Variants in PCCB observed in about 807,000 individuals in gnomAD.
The protein encoded by PCCB is propionyl-CoA carboxylase beta chain, mitochondrial.
PCCB carries 43 observed loss-of-function variants against 60.7 expected under a neutral mutation model. That is an observed-to-expected ratio of 0.71 (90% CI 0.55 to 0.91). The LOEUF (loss-of-function observed/expected upper bound fraction) is 0.91, where lower values mean the gene tolerates loss of function less well. Among genes scored for constraint, PCCB ranks in the 40% least tolerant of loss-of-function variants. The pLI, the probability that PCCB is intolerant of heterozygous loss-of-function variation, is 0.00. For synonymous variants in PCCB, 276 were observed against 255.9 expected, an observed-to-expected ratio of 1.08 and a Z score of -0.75; for missense variants, 766 against 702.8, an observed-to-expected ratio of 1.09 and a Z score of -1.02.
At chr3:136,282,063 T>A (rs1942489817) in intron 5 of PCCB, among the ~76,000 whole-genome samples, 1 of 152,104 alleles carries the variant, frequency 6.6e-6, no homozygotes, top group Non-Finnish European at 1.5e-5. Context: ...AAAGCAGTGG[T>A]CAGTAATCAG....
At chr3:136,273,803 T>C (rs12488721) in intron 5 of PCCB, among the ~76,000 whole-genome samples, 54,524 of 147,656 alleles carry the variant, frequency 0.37, 12,448 homozygotes, top group East Asian at 0.81. Context: ...TCCCAGCTAC[T>C]TGTGAGGCTG....
At chr3:136,316,407 C>G (rs1934896151) in intron 9 of PCCB, among the ~76,000 whole-genome samples, 1 of 152,026 alleles carries the variant, frequency 6.6e-6, no homozygotes, top group African/African-American at 2.4e-5. Flanking sequence ...CCTCTGCCTT[C>G]CAGTTTAAGC....
At chr3:136,318,397 T>C (rs1357869520) in intron 10 of PCCB, among the ~76,000 whole-genome samples, 2 of 152,102 alleles carry the variant, frequency 1.3e-5, no homozygotes, top group Non-Finnish European at 1.5e-5. Flanking sequence ...AAAAAAAATT[T>C]TGTCATGGTA....
intron 9 of PCCB, among the ~76,000 whole-genome samples, chr3:136,314,657 G>GAA (rs1576350994): frequency 6.6e-6 from 1 of 151,832 alleles, no homozygotes; most frequent in East Asian, 1.9e-4. Context: ...CCTGTCTCAA[G>GAA]AAAAACAAAA....
chr3:136,300,035 C>T (rs1173834110), intron 8 of PCCB, among the ~76,000 whole-genome samples: 3 of 151,330 alleles, frequency 2.0e-5, no homozygotes, highest in Non-Finnish European at 4.4e-5. Context: ...CCCACACATG[C>T]ATATATGCAT....
At chr3:136,265,524 A>G (rs905162720) in intron 5 of PCCB, among the ~76,000 whole-genome samples, 1 of 152,146 alleles carries the variant, frequency 6.6e-6, no homozygotes, top group Non-Finnish European at 1.5e-5. Context: ...TGAATATTTT[A>G]TGTATTTTCA....
In PCCB at chr3:136,302,393, C is replaced by T. The variant is rs1037261902; in HGVS notation, c.966+1282C>T. On this transcript the variant is annotated intron_variant, in intron 9 of 14. Coordinates refer to ENST00000251654, the MANE Select transcript of PCCB (RefSeq NM_000532.5). ...GGCAATTGTTGCCTGGGTGGGGAGA[C>T]AGATTCCTGGTGCTTCCTACTCTGC... Among the ~76,000 whole-genome samples, 7 of 121,196 alleles carry T rather than the reference C, an allele frequency of 5.8e-5. 2 individuals carry two copies. The highest frequency in any genetic ancestry group is 1.8e-4 in the African/African-American group (7 of 39,930). 79.5% of individuals were successfully genotyped at this position (121,196 alleles called of 152,430 possible). A position where few individuals can be genotyped will look rare whatever the true frequency, so the allele number is the denominator to read the frequency against.
rs184711820 is a variant in PCCB, at chr3:136,300,124, A to G, written c.885-906A>G. Among the ~76,000 whole-genome samples the G allele has an allele frequency of 5.3e-5, 8 of 151,870 alleles. No individual in the cohort carries two copies. In the East Asian group the frequency reaches 1.2e-3, roughly 22 times the overall value. On this transcript the variant is annotated intron_variant, in intron 8 of 14. Coordinates refer to ENST00000251654, the MANE Select transcript of PCCB (RefSeq NM_000532.5). ...TACATACATGCATATCTACACGTGTATATATGTATATCTACACATGTGTTC... is the reference window on the plus strand; with the variant it reads ...TACATACATGCATATCTACACGTGTGTATATGTATATCTACACATGTGTTC...
Position 136,297,981 on chromosome 3 carries a change from G to GT in PCCB, c.795dup (p.Asp266Ter). The GT allele has an allele frequency of 6.2e-7, 1 of 1,614,128 alleles. No homozygotes were observed. Among genetic ancestry groups the GT allele is most frequent in the Non-Finnish European group, 8.5e-7 (1 of 1,179,974 alleles). The stretch of plus-strand genomic sequence containing the variant: ...GGCCCACAGAGCTTTTGAAAATGAT[G>GT]TTGATGCCTTGTGTAATCTCCGGGA... On this transcript the variant is annotated frameshift_variant, in exon 8 of 15. Coordinates refer to ENST00000251654, the MANE Select transcript of PCCB (RefSeq NM_000532.5). LOFTEE classifies it high-confidence loss of function.
At chr3:136,258,126 C>T (rs74655704) in intron 3 of PCCB, among the ~76,000 whole-genome samples, 1,634 of 152,052 alleles carry the variant, frequency 0.011, 27 homozygotes, top group African/African-American at 0.035. Flanking sequence ...CAGAAGGAAC[C>T]ATTGAAAAGA....
At chr3:136,266,254 G>A (rs1941980122) in intron 5 of PCCB, among the ~76,000 whole-genome samples, 1 of 151,540 alleles carries the variant, frequency 6.6e-6, no homozygotes, top group East Asian at 1.9e-4. Flanking sequence ...TCTGCCTCCC[G>A]AGCAGCTGGG....
In PCCB at chr3:136,330,068, G is replaced by C. The variant is rs755929000; in HGVS notation, c.*42G>C. 6.2e-7 allele frequency: 1 copy of C among 1,613,204 alleles called. No individual in the cohort carries two copies. The highest frequency in any genetic ancestry group is 8.5e-7 in the Non-Finnish European group (1 of 1,179,510). On this transcript the variant is annotated 3_prime_UTR_variant, in exon 15 of 15. Coordinates refer to ENST00000251654, the MANE Select transcript of PCCB (RefSeq NM_000532.5). ...GAAACCAAGAACTGAATTACTGTCT[G>C]CCCATTCACATCCCATTCCTGCCTT... is the stretch of plus-strand genomic sequence containing the variant.
intron 9 of PCCB, among the ~76,000 whole-genome samples, chr3:136,315,521 C>T (rs1193421297): frequency 1.3e-5 from 2 of 151,602 alleles, no homozygotes; most frequent in African/African-American, 4.9e-5. Context: ...AGCGAGACTC[C>T]GTCTCAAACA....
intron 5 of PCCB, among the ~76,000 whole-genome samples, chr3:136,276,951 T>G (rs894938137): frequency 6.6e-6 from 1 of 152,186 alleles, no homozygotes; most frequent in Admixed American, 6.5e-5. Flanking sequence ...TAAGAATTCC[T>G]GAGAGCCAGG....
chr3:136,285,042 C>T (rs112709867), intron 6 of PCCB, among the ~76,000 whole-genome samples: 3 of 145,478 alleles, frequency 2.1e-5, no homozygotes, highest in South Asian at 2.2e-4. Flanking sequence ...GAGCCAAGAT[C>T]GTGCCACTGC....
At chr3:136,316,830 C>T (rs1425369778) in intron 9 of PCCB, 111 bp from the exon 10 acceptor site, 8 of 1,228,686 alleles carry the variant, frequency 6.5e-6, no homozygotes, top group Admixed American at 1.7e-5. Flanking sequence ...AGAGCTGGAG[C>T]TGTCTACCTC....
intron 5 of PCCB, among the ~76,000 whole-genome samples, chr3:136,279,771 C>T (rs1292956917): frequency 6.6e-6 from 1 of 151,932 alleles, no homozygotes; most frequent in African/African-American, 2.4e-5. Context: ...AGGTTCACGC[C>T]ATTCTCCTGC....
At chr3:136,317,103 G>A (rs548780280) in intron 10 of PCCB, 39 bp downstream of exon 10, 2 of 1,612,840 alleles carry the variant, frequency 1.2e-6, no homozygotes, top group African/African-American at 2.7e-5. Context: ...TTTGGGGTTG[G>A]AGGCCAGGGA....
chr3:136,274,396 A>C (rs1037312357), intron 5 of PCCB, among the ~76,000 whole-genome samples: 1 of 152,140 alleles, frequency 6.6e-6, no homozygotes, highest in Non-Finnish European at 1.5e-5. Context: ...GTTTTGCTGG[A>C]TGCAAAATTC....
Sources: allele counts gnomAD v4.1 joint callset (sites outside exome capture counted in the v4.1 genomes callset), GRCh38; gene constraint gnomAD v4.1.1; transcripts MANE v1.5; gene names NCBI Gene and HGNC (gene_info 2026-07-23, HGNC 2026-07-21).